CYP4F8: variants seen among roughly 807,000 people sequenced by gnomAD.
The protein encoded by CYP4F8 is cytochrome P450 family 4 subfamily F member 8.
Under a neutral mutation model 55.0 loss-of-function variants are expected in CYP4F8, and 56 were observed. The observed-to-expected ratio is 1.02, with a 90% CI of 0.82 to 1.27. The LOEUF (loss-of-function observed/expected upper bound fraction) is 1.27. Among genes scored for constraint, CYP4F8 ranks in the 50% most tolerant of loss-of-function variants. The pLI is 0.00. For missense variants in CYP4F8, 680 were observed against 682.4 expected (o/e 1.00, Z 0.04); for synonymous variants, 288 against 267.3 (o/e 1.08, Z -0.76).
At chr19:15,621,395 G>A (rs1972192102) in intron 5 of CYP4F8, among the ~76,000 whole-genome samples, 1 of 152,130 alleles carries the variant, frequency 6.6e-6, no homozygotes, top group South Asian at 2.1e-4. Context: ...GCGTGGTGGT[G>A]CGTGCCTGTA....
Position 15,628,519 on chromosome 19 carries a change from C to G in CYP4F8, c.1250-12C>G. The stretch of plus-strand genomic sequence containing the variant: ...TCGGACCTTGTTCTTACTGTCCTCT[C>G]CTGCACGACAGGGAATGTCTGTAAC... On this transcript the variant is annotated splice_polypyrimidine_tract_variant and intron_variant, in intron 10 of 12. Coordinates refer to ENST00000612078, the MANE Select transcript of CYP4F8 (RefSeq NM_007253.4). 1 of 1,613,812 alleles carries G rather than the reference C, an allele frequency of 6.2e-7. No individual in the cohort carries two copies. The highest frequency in any genetic ancestry group is 8.5e-7 in the Non-Finnish European group (1 of 1,179,772).
At chr19:15,629,137 A>C in intron 12 of CYP4F8, 56 bp from the exon 13 acceptor site, 1 of 1,517,004 alleles carries the variant, frequency 6.6e-7, no homozygotes, top group South Asian at 1.3e-5. Flanking sequence ...TTCCTGGCGC[A>C]GTGGGGCCGG....
At chr19:15,628,461 G>T (rs1351564390) in intron 10 of CYP4F8, 26 bp downstream of exon 10, 3 of 1,613,628 alleles carry the variant, frequency 1.9e-6, no homozygotes, top group Admixed American at 3.3e-5. Context: ...GGGGAGGAGG[G>T]TCCTGGGCAG....
intron 8 of CYP4F8, 65 bp from the exon 9 acceptor site, chr19:15,623,900 G>A: frequency 6.2e-7 from 1 of 1,601,734 alleles, no homozygotes; most frequent in South Asian, 1.1e-5. Flanking sequence ...TCAATGTATG[G>A]GCGCTGTCCA....
At chr19:15,617,146 C>T (rs1294421749) in intron 2 of CYP4F8, among the ~76,000 whole-genome samples, 1 of 152,200 alleles carries the variant, frequency 6.6e-6, no homozygotes, top group Non-Finnish European at 1.5e-5. Context: ...TGCCCACACA[C>T]CACACTTGTG....
intron 12 of CYP4F8, 92 bp downstream of exon 12, chr19:15,628,935 C>T: frequency 1.4e-6 from 2 of 1,400,212 alleles, no homozygotes; most frequent in Non-Finnish European, 1.9e-6. Context: ...CCACGTGTTT[C>T]TGTGATAGGG....
At chr19:15,615,559 T>TCCCCAGC (rs1238244430) in intron 1 of CYP4F8, 57 bp from the exon 2 acceptor site, 6 of 1,562,454 alleles carry the variant, frequency 3.8e-6, no homozygotes, top group Non-Finnish European at 4.3e-6. Context: ...GTCCTGGAGC[T>TCCCCAGC]CCCCAGCCCC....
chr19:15,618,391 A>T (rs1435108204), intron 3 of CYP4F8: 2 of 635,366 alleles, frequency 3.1e-6, no homozygotes, highest in Admixed American at 4.3e-5. Context: ...CCTTAATCCA[A>T]GGCCCTGTCC....
intron 2 of CYP4F8, among the ~76,000 whole-genome samples, chr19:15,616,717 C>G (rs987868269): frequency 4.9e-4 from 74 of 152,290 alleles, no homozygotes; most frequent in African/African-American, 1.7e-3. Flanking sequence ...CTAAGCTGTC[C>G]CAATGAGTTG....
Position 15,628,436 on chromosome 19 carries a change from G to T in CYP4F8, c.1249+1G>T, listed in dbSNP as rs571138475. The T allele has an allele frequency of 3.1e-6, 5 of 1,614,040 alleles. No homozygotes were observed. Among genetic ancestry groups the T allele is most frequent in the Non-Finnish European group, 8.5e-7 (1 of 1,179,968 alleles). ...CCAGACAGCCGAGTCATCCCCAAAGGTGCCCTCCATGGCAGGGGAGGAGGG... is the reference window on the plus strand; with the variant it reads ...CCAGACAGCCGAGTCATCCCCAAAGTTGCCCTCCATGGCAGGGGAGGAGGG... On this transcript the variant is annotated splice_donor_variant, in intron 10 of 12. Transcript: ENST00000612078. LOFTEE classifies it high-confidence loss of function.
intron 11 of CYP4F8, 30 bp from the exon 12 acceptor site, chr19:15,628,731 A>G (rs888060734): frequency 6.2e-7 from 1 of 1,612,196 alleles, no homozygotes; most frequent in African/African-American, 1.3e-5. Flanking sequence ...GAGAGGCCCC[A>G]TCAGCAGCCT....
intron 8 of CYP4F8, 25 bp downstream of exon 8, chr19:15,623,790 A>G (rs763161548): frequency 6.2e-7 from 1 of 1,612,722 alleles, no homozygotes; most frequent in South Asian, 1.1e-5. Context: ...CTGGGGCTAC[A>G]GTGGGGACAG....
At position 15,628,306 on chromosome 19, in the gene CYP4F8, G is replaced by A. The variant is rs1003375838; in HGVS notation, c.1120G>A (p.Asp374Asn). The change falls in exon 10 of 13, where the codon GAC becomes AAC. Residue 374 changes from aspartate (D) to asparagine (N), a missense_variant. Coordinates refer to ENST00000612078, the MANE Select transcript of CYP4F8 (RefSeq NM_007253.4). ...AATTGTTGGGTGTTTCCTTAGGGAC[G>A]ACCTGGCCCAGTTGCCCTTCCTGAC... ...DREPKEIEWDDLAQLPFLTMC... is the reference protein window; with the variant it reads ...DREPKEIEWDNLAQLPFLTMC... 13 of 1,613,904 alleles carry A rather than the reference G, an allele frequency of 8.1e-6. No individual in the cohort carries two copies. In the Admixed American group the frequency reaches 1.3e-4, roughly 17 times the overall value.
chr19:15,628,237 A>C, intron 9 of CYP4F8, 65 bp from the exon 10 acceptor site: 1 of 1,606,360 alleles, frequency 6.2e-7, no homozygotes, highest in Non-Finnish European at 8.5e-7. Flanking sequence ...AGGTGGTGAG[A>C]GGGTCTCCAG....
intron 3 of CYP4F8, chr19:15,619,259 T>C (rs1972162123): frequency 3.8e-6 from 2 of 525,058 alleles, no homozygotes; most frequent in South Asian, 4.9e-5. Context: ...CAAGACATGC[T>C]GGGTGTGCTG....
intron 2 of CYP4F8, among the ~76,000 whole-genome samples, chr19:15,616,529 G>T (rs4808327): frequency 6.6e-6 from 1 of 151,938 alleles, no homozygotes; most frequent in Non-Finnish European, 1.5e-5. Flanking sequence ...TGGGCTCACT[G>T]TCTAGAACCC....
rs760695541 is a variant in CYP4F8, at chr19:15,623,968, A to G, written c.989A>G (p.His330Arg). The change falls in exon 9 of 13, where the codon CAT becomes CGT. Residue 330 changes from histidine to arginine, a missense_variant. By Grantham distance (29) the His-to-Arg change is conservative. Transcript: ENST00000612078. ...AEADTFMFGG[H>R]DTTASGLSWV... The stretch of plus-strand genomic sequence containing the variant: ...AGCCTGCCTGGCTGACCCTCAGGCC[A>G]TGACACCACGGCCAGTGGCCTCTCC... 4.7e-5 allele frequency: 76 copies of G among 1,614,020 alleles called. No homozygotes were observed. The highest frequency in any genetic ancestry group is 6.3e-5 in the Non-Finnish European group (74 of 1,180,016).
intron 5 of CYP4F8, 34 bp downstream of exon 5, chr19:15,619,796 C>T (rs28669833): frequency 0.15 from 242,352 of 1,608,538 alleles, 18,334 homozygotes; most frequent in Middle Eastern, 0.18. Flanking sequence ...CCAGCTGCAG[C>T]CTTGGGGTGG....
At position 15,615,821 on chromosome 19, in the gene CYP4F8, G is replaced by A. The variant is rs1289743641; in HGVS notation, c.198+7G>A. ...CTTGGGTCACCTGGGCCTGGTGAGT[G>A]GCAGGAGGATGGATCTAGTGTCTCA... On this transcript the variant is annotated splice_region_variant and intron_variant, in intron 2 of 12. Transcript: ENST00000612078. 6.2e-7 allele frequency: 1 copy of A among 1,606,870 alleles called. No individual in the cohort carries two copies. Among genetic ancestry groups the A allele is most frequent in the Non-Finnish European group, 8.5e-7 (1 of 1,175,692 alleles).
Sources: allele counts gnomAD v4.1 joint callset (sites outside exome capture counted in the v4.1 genomes callset), GRCh38; gene constraint gnomAD v4.1.1; transcripts MANE v1.5; gene names NCBI Gene and HGNC (gene_info 2026-07-23, HGNC 2026-07-21).